Variants in TMEM30A observed in about 807,000 individuals in gnomAD.
The protein encoded by TMEM30A is cell division cycle 50 P4-ATPase accessory subunit A, also known as cell cycle control protein 50A.
A neutral mutation model predicts 38.2 loss-of-function variants in TMEM30A; 24 were observed. The ratio of observed to expected loss-of-function variants is 0.63; its 90% CI spans 0.46 to 0.88. TMEM30A has a LOEUF of 0.88. Ranked by LOEUF, TMEM30A falls within the 40% of genes least tolerant of loss-of-function variation. The probability of loss-of-function intolerance (pLI) is 0.00; values close to 1 mark genes in which losing one functional copy is unlikely to be tolerated. For missense variants in TMEM30A, 370 were observed against 458.6 expected, an observed-to-expected ratio of 0.81 and a Z score of 1.77; for synonymous variants, 145 against 161.6, an observed-to-expected ratio of 0.90 and a Z score of 0.78.
chr6:75,265,374 A>G (rs978284112), intron 2 of TMEM30A, 36 bp from the exon 3 acceptor site: 47 of 1,283,294 alleles, frequency 3.7e-5, no homozygotes, highest in Non-Finnish European at 4.9e-5. Context: ...TTTCATATAA[A>G]AACTATTCTG....
rs969518972 is a variant in TMEM30A, at chr6:75,255,071, T to C, written c.*1031A>G. The C allele has an allele frequency of 6.5e-6, 1 of 152,672 alleles. No homozygotes were observed. Among genetic ancestry groups the C allele is most frequent in the South Asian group, 2.1e-4 (1 of 4,832 alleles). 9.5% of individuals were successfully genotyped at this position (152,672 alleles called of 1,614,324 possible). A position where few individuals can be genotyped will look rare whatever the true frequency, so the allele number is the denominator to read the frequency against. ...AGAGAATGTGCATACACATTGCTATTTGACCTATATGCAAAAGTGGAATGA... is the reference window on the plus strand; with the variant it reads ...AGAGAATGTGCATACACATTGCTATCTGACCTATATGCAAAAGTGGAATGA... On this transcript the variant is annotated 3_prime_UTR_variant, in exon 7 of 7. Coordinates refer to ENST00000230461, the MANE Select transcript of TMEM30A (RefSeq NM_018247.4).
intron 1 of TMEM30A, chr6:75,284,158 C>T (rs1241670265): frequency 1.6e-5 from 9 of 574,254 alleles, no homozygotes; most frequent in Non-Finnish European, 2.2e-5. Context: ...TTCATTCCGT[C>T]TCAGCTCATT....
intron 1 of TMEM30A, among the ~76,000 whole-genome samples, chr6:75,269,415 G>C (rs1347549386): frequency 6.6e-6 from 1 of 152,092 alleles, no homozygotes; most frequent in African/African-American, 2.4e-5. Flanking sequence ...TTTTCAGATT[G>C]GTTTCTTTCA....
chr6:75,266,565 C>CAT (rs1330920645), intron 2 of TMEM30A, among the ~76,000 whole-genome samples: 1 of 152,192 alleles, frequency 6.6e-6, no homozygotes, highest in African/African-American at 2.4e-5. Flanking sequence ...TGAAGAAACA[C>CAT]AGAGTCCACA....
intron 2 of TMEM30A, among the ~76,000 whole-genome samples, chr6:75,267,315 G>C (rs964394340): frequency 6.6e-6 from 1 of 152,100 alleles, no homozygotes; most frequent in Non-Finnish European, 1.5e-5. Flanking sequence ...AACAATTTGA[G>C]CAATAATTTT....
intron 3 of TMEM30A, among the ~76,000 whole-genome samples, chr6:75,262,376 G>C (rs767830825): frequency 4.6e-4 from 70 of 152,014 alleles, no homozygotes; most frequent in Middle Eastern, 6.8e-3. Flanking sequence ...CGGGCACAGT[G>C]GTTCACGCCT....
At chr6:75,271,308 CAGTATAA>C (rs1772165005) in intron 1 of TMEM30A, among the ~76,000 whole-genome samples, 1 of 151,824 alleles carries the variant, frequency 6.6e-6, no homozygotes, top group Non-Finnish European at 1.5e-5. Flanking sequence ...AATTATGCTA[CAGTATAA>C]AATATAACAA....
intron 3 of TMEM30A, among the ~76,000 whole-genome samples, chr6:75,264,400 C>G (rs1772027399): frequency 6.6e-6 from 1 of 152,126 alleles, no homozygotes; most frequent in Admixed American, 6.5e-5. Context: ...CTTTGGAAGG[C>G]CGAGGAGGGC....
chr6:75,284,433 A>G lies in TMEM30A; in HGVS notation c.206T>C (p.Phe69Ser), dbSNP rs751827035. The G allele has an allele frequency of 1.2e-5, 19 of 1,614,138 alleles. No homozygotes were observed. The highest frequency in any genetic ancestry group is 1.6e-5 in the Non-Finnish European group (19 of 1,180,012). The part of the protein sequence containing the change: ...LIFIPIGIGI[F>S]VTSNNIREIE... ...CTCGCGGATGTTGTTGGAGGTGACA[A>G]AAATGCCAATGCCGATGGGAATGAA... Residue 69 changes from phenylalanine (F) to serine (S), a missense_variant, in exon 1 of 7, where the codon TTT (phenylalanine) becomes TCT (serine). Phe to Ser is a radical substitution (Grantham distance 155, BLOSUM62 -2). Coordinates refer to ENST00000230461, the MANE Select transcript of TMEM30A (RefSeq NM_018247.4).
At chr6:75,274,426 T>C (rs1472653343) in intron 1 of TMEM30A, among the ~76,000 whole-genome samples, 3 of 152,122 alleles carry the variant, frequency 2.0e-5, no homozygotes. Flanking sequence ...AAAACTAGCC[T>C]CTCAAAAAGA....
chr6:75,278,019 G>A (rs1189847303), intron 1 of TMEM30A, among the ~76,000 whole-genome samples: 1 of 152,044 alleles, frequency 6.6e-6, no homozygotes, highest in Non-Finnish European at 1.5e-5. Context: ...GAAAACAAGA[G>A]GAAGATGGTG....
At chr6:75,265,417 C>T (rs763056202) in intron 2 of TMEM30A, 79 bp from the exon 3 acceptor site, 23 of 744,476 alleles carry the variant, frequency 3.1e-5, no homozygotes, top group Admixed American at 7.0e-5. Flanking sequence ...ATAAAAGCTA[C>T]GTAATTTGGA....
chr6:75,267,682 A>G lies in TMEM30A; in HGVS notation c.304T>C (p.Cys102Arg). The stretch of plus-strand genomic sequence containing the variant: ...AGTGTGAAGTTAATGGTACAAAAGC[A>G]AGGTGTCACATCCGGAGATAAACAT... ...NKCLSPDVTPCFCTINFTLEK... is the reference protein window; with the variant it reads ...NKCLSPDVTPRFCTINFTLEK... The change falls in exon 2 of 7, where the codon TGC becomes CGC. Residue 102 changes from cysteine to arginine, a missense_variant. Coordinates refer to ENST00000230461, the MANE Select transcript of TMEM30A (RefSeq NM_018247.4). 1 of 1,612,096 alleles carries G rather than the reference A, an allele frequency of 6.2e-7. No individual in the cohort carries two copies. The highest frequency in any genetic ancestry group is 8.5e-7 in the Non-Finnish European group (1 of 1,179,060).
rs1185515162 is a variant in TMEM30A, at chr6:75,284,701, C to A, written c.-63G>T. The A allele has an allele frequency of 6.4e-6, 10 of 1,562,630 alleles. No homozygotes were observed. In the African/African-American group the frequency reaches 1.4e-4, roughly 21 times the overall value. On this transcript the variant is annotated 5_prime_UTR_variant, in exon 1 of 7. Coordinates refer to ENST00000230461, the MANE Select transcript of TMEM30A (RefSeq NM_018247.4). Reference sequence around the variant, plus strand: ...CCACCCAGGGGGCCCGCCGGCTGACCCTGACAGGAACCGCTCGAGCGCCGC... The same window carrying A: ...CCACCCAGGGGGCCCGCCGGCTGACACTGACAGGAACCGCTCGAGCGCCGC...
At chr6:75,262,246 G>A (rs1314263062) in intron 3 of TMEM30A, among the ~76,000 whole-genome samples, 1 of 151,994 alleles carries the variant, frequency 6.6e-6, no homozygotes, top group Non-Finnish European at 1.5e-5. Flanking sequence ...ACTTAGGAGG[G>A]TGAGGTGGGT....
chr6:75,257,991 A>C (rs1300472627), intron 6 of TMEM30A, among the ~76,000 whole-genome samples: 1 of 152,182 alleles, frequency 6.6e-6, no homozygotes, highest in Non-Finnish European at 1.5e-5. Flanking sequence ...CCTCCTAAAA[A>C]AGACTGCATC....
chr6:75,276,659 C>T (rs1250425994), intron 1 of TMEM30A, among the ~76,000 whole-genome samples: 3 of 152,170 alleles, frequency 2.0e-5, no homozygotes, highest in African/African-American at 7.2e-5. Context: ...ATTTACCAGG[C>T]AATATTCTCC....
At chr6:75,260,651 A>G (rs76898355) in intron 4 of TMEM30A, among the ~76,000 whole-genome samples, 173 bp downstream of exon 4, 2,069 of 152,322 alleles carry the variant, frequency 0.014, 17 homozygotes, top group Middle Eastern at 0.031. Flanking sequence ...TCTAAAATGT[A>G]AGTATGCTCA....
In TMEM30A at chr6:75,266,708, A is replaced by C. The variant is rs1772074050; in HGVS notation, c.345+933T>G. ...TTCTTCAATTCTGCCTGTTCTGACA[A>C]AAGCAGAATTTATTGTATCTTTATT... On this transcript the variant is annotated intron_variant, in intron 2 of 6. Transcript: ENST00000230461. Among the ~76,000 whole-genome samples the C allele has an allele frequency of 2.6e-5, 4 of 152,342 alleles. No homozygotes were observed. In the South Asian group the frequency reaches 8.3e-4, roughly 32 times the overall value.
Sources: gnomAD v4.1 joint callset for allele counts (sites outside exome capture counted in the v4.1 genomes callset) on GRCh38, gnomAD v4.1.1 for gene constraint, MANE v1.5 for transcripts, NCBI Gene and HGNC (gene_info 2026-07-23, HGNC 2026-07-21) for gene names.